The following PTDSS1 variants were observed in gnomAD, a reference collection of about 807,000 sequenced individuals.
PTDSS1 encodes the protein phosphatidylserine synthase 1.
In PTDSS1, 45 loss-of-function variants were observed where a neutral mutation model predicts 70.5. The ratio of observed to expected loss-of-function variants is 0.64; its 90% CI spans 0.50 to 0.82. The LOEUF is 0.82. PTDSS1 is among the 40% of genes least tolerant of loss of function. The pLI is 0.00. For synonymous variants in PTDSS1, 188 were observed against 203.8 expected, an observed-to-expected ratio of 0.92 and a Z score of 0.66; for missense variants, 417 against 586.1, an observed-to-expected ratio of 0.71 and a Z score of 2.98.
chr8:96,294,955 G>A (rs575434732), intron 4 of PTDSS1, 143 bp from the exon 5 acceptor site: 1 of 744,260 alleles, frequency 1.3e-6, no homozygotes, highest in East Asian at 3.1e-5. Context: ...AGGCCCTTAA[G>A]TTATTAAAAC....
At position 96,273,399 on chromosome 8, in the gene PTDSS1, T is replaced by G; in HGVS notation, c.271+9T>G. The G allele has an allele frequency of 1.9e-6, 3 of 1,584,022 alleles. No homozygotes were observed. The highest frequency in any genetic ancestry group is 2.6e-6 in the Non-Finnish European group (3 of 1,159,920). ...GTTAGCTTTCCCCAATGGTAAGTAA[T>G]GTCATGCATTACCACATTTCTCCTA... On this transcript the variant is annotated intron_variant, in intron 2 of 12. Coordinates refer to ENST00000517309, the MANE Select transcript of PTDSS1 (RefSeq NM_014754.3).
intron 10 of PTDSS1, among the ~76,000 whole-genome samples, chr8:96,325,973 A>G (rs570225416): frequency 6.6e-6 from 1 of 152,226 alleles, no homozygotes; most frequent in South Asian, 2.1e-4. Flanking sequence ...CCTCCACACA[A>G]GAAGAAACTT....
chr8:96,320,351 T>C lies in PTDSS1; in HGVS notation c.1173+6T>C. On this transcript the variant is annotated splice_donor_region_variant and intron_variant, in intron 10 of 12. Coordinates refer to ENST00000517309, the MANE Select transcript of PTDSS1 (RefSeq NM_014754.3). Reference sequence around the variant, plus strand: ...TGCTTTGGCTTCTTTGCGTGGTAAGTCACTGCATTTTACCCAAAGGCATTA... The same window carrying C: ...TGCTTTGGCTTCTTTGCGTGGTAAGCCACTGCATTTTACCCAAAGGCATTA... 1.3e-6 allele frequency: 2 copies of C among 1,590,722 alleles called. No homozygotes were observed. Among genetic ancestry groups the C allele is most frequent in the South Asian group, 2.2e-5 (2 of 90,556 alleles).
chr8:96,324,486 A>G (rs1404931784), intron 10 of PTDSS1, among the ~76,000 whole-genome samples: 1 of 152,240 alleles, frequency 6.6e-6, no homozygotes, highest in East Asian at 1.9e-4. Context: ...AAATAAGTTT[A>G]TTCTGCTCAC....
Position 96,333,406 on chromosome 8 carries a change from C to A in PTDSS1, c.1313-51C>A. The A allele has an allele frequency of 2.6e-6, 4 of 1,533,214 alleles. No individual in the cohort carries two copies. In the South Asian group the frequency reaches 4.5e-5, roughly 17 times the overall value. The allele number at this position is 1,533,214 out of a possible 1,614,324, so 95.0% of individuals were successfully genotyped here. A position where few individuals can be genotyped will look rare whatever the true frequency, so the allele number is the denominator to read the frequency against. On this transcript the variant is annotated intron_variant, in intron 12 of 12. Coordinates refer to ENST00000517309, the MANE Select transcript of PTDSS1 (RefSeq NM_014754.3). ...CTAGGGCGGTCTGGAAAGGGACAGT[C>A]ACCAATCTCCAGAGCCCAGGGTGAC... is the stretch of plus-strand genomic sequence containing the variant.
intron 2 of PTDSS1, among the ~76,000 whole-genome samples, chr8:96,283,192 A>G (rs7004617): frequency 0.089 from 13,550 of 152,232 alleles, 1,932 homozygotes; most frequent in African/African-American, 0.3. Context: ...TGTCACTGCA[A>G]AATGAGCCCT....
At chr8:96,328,295 C>G (rs1055462871) in intron 10 of PTDSS1, among the ~76,000 whole-genome samples, 1 of 152,184 alleles carries the variant, frequency 6.6e-6, no homozygotes, top group Non-Finnish European at 1.5e-5. Flanking sequence ...TTCTGTTTTG[C>G]TCTTTGTAAG....
Position 96,330,075 on chromosome 8 carries a change from T to A in PTDSS1, c.1174-138T>A. 3 of 765,278 alleles carry A rather than the reference T, an allele frequency of 3.9e-6. No individual in the cohort carries two copies. The Middle Eastern group carries it at 6.9e-4, about 176-fold the overall frequency. The allele number at this position is 765,278 out of a possible 1,614,324, so 47.4% of individuals were successfully genotyped here. A position where few individuals can be genotyped will look rare whatever the true frequency, so the allele number is the denominator to read the frequency against. On this transcript the variant is annotated intron_variant, in intron 10 of 12. Coordinates refer to ENST00000517309, the MANE Select transcript of PTDSS1 (RefSeq NM_014754.3). ...CACCCTCCCCTTGAGGTCTGATCTC[T>A]GCCACGTCCAGCCGTTTTGTAACCG...
rs1273523258 is a variant in PTDSS1, at chr8:96,335,145, G to A, written c.*1579G>A. 1 of 152,156 alleles carries A rather than the reference G, an allele frequency of 6.6e-6. No homozygotes were observed. The highest frequency in any genetic ancestry group is 1.9e-4 in the East Asian group (1 of 5,200). 9.4% of individuals were successfully genotyped at this position (152,156 alleles called of 1,614,324 possible). On this transcript the variant is annotated 3_prime_UTR_variant, in exon 13 of 13. Transcript: ENST00000517309. ...TGGCTGTGATGAGCCTCAGCTCCGA[G>A]CTCTCAAATGTCCTCCAGCCAGCAT...
intron 3 of PTDSS1, among the ~76,000 whole-genome samples, chr8:96,284,376 A>G (rs1810792038): frequency 6.6e-6 from 1 of 152,234 alleles, no homozygotes; most frequent in Non-Finnish European, 1.5e-5. Flanking sequence ...TCAACTCCAC[A>G]TGCCTCCTTA....
intron 10 of PTDSS1, among the ~76,000 whole-genome samples, chr8:96,328,839 C>A (rs559378078): frequency 6.6e-6 from 1 of 152,338 alleles, no homozygotes; most frequent in Admixed American, 6.5e-5. Context: ...AGAGGAGAAG[C>A]TGCTGCTGTT....
At chr8:96,292,244 G>A (rs1283427813) in intron 4 of PTDSS1, among the ~76,000 whole-genome samples, 16 of 145,056 alleles carry the variant, frequency 1.1e-4, no homozygotes, top group Non-Finnish European at 7.4e-5. Flanking sequence ...AGGTTGCAGT[G>A]AGCCGAGATG....
At chr8:96,296,263 C>T (rs112383916) in intron 5 of PTDSS1, among the ~76,000 whole-genome samples, 7,392 of 151,654 alleles carry the variant, frequency 0.049, 552 homozygotes, top group African/African-American at 0.16. Context: ...CTCAGCCTCC[C>T]GAGTAGCTGG....
intron 2 of PTDSS1, chr8:96,283,656 C>A (rs1253630515): frequency 1.9e-5 from 3 of 158,716 alleles, no homozygotes; most frequent in African/African-American, 7.2e-5. Context: ...CACACACGTA[C>A]ACACACGCAT....
At chr8:96,310,053 C>T (rs181166007) in intron 9 of PTDSS1, among the ~76,000 whole-genome samples, 549 of 151,956 alleles carry the variant, frequency 3.6e-3, no homozygotes, top group Non-Finnish European at 6.0e-3. Flanking sequence ...CGCTTGAACC[C>T]GGGAGGCTGA....
At position 96,333,687 on chromosome 8, in the gene PTDSS1, C is replaced by T. The variant is rs1352362122; in HGVS notation, c.*121C>T. ...GGGCAAGCAGGAAGAGGCGAGGGCACTTGGGGGTCATTATTTGAGATCGTA... is the reference window on the plus strand; with the variant it reads ...GGGCAAGCAGGAAGAGGCGAGGGCATTTGGGGGTCATTATTTGAGATCGTA... On this transcript the variant is annotated 3_prime_UTR_variant, in exon 13 of 13. Coordinates refer to ENST00000517309, the MANE Select transcript of PTDSS1 (RefSeq NM_014754.3). The T allele has an allele frequency of 1.1e-6, 1 of 898,076 alleles. No individual in the cohort carries two copies. The highest frequency in any genetic ancestry group is 1.6e-5 in the African/African-American group (1 of 60,688). The allele number at this position is 898,076 out of a possible 1,614,324, so 55.6% of individuals were successfully genotyped here.
intron 6 of PTDSS1, among the ~76,000 whole-genome samples, chr8:96,302,421 T>C (rs1811063850): frequency 6.6e-6 from 1 of 152,198 alleles, no homozygotes; most frequent in Non-Finnish European, 1.5e-5. Flanking sequence ...ACAAGCAATA[T>C]CTCATTTGAG....
intron 9 of PTDSS1, among the ~76,000 whole-genome samples, chr8:96,317,033 C>CTA (rs60006791): frequency 0.91 from 136,088 of 150,092 alleles, 61,948 homozygotes; most frequent in Non-Finnish European, 0.94. Flanking sequence ...ATATATGTGT[C>CTA]TATATATATG....
Position 96,331,100 on chromosome 8 carries a change from CTTGTT to C in PTDSS1, c.1312+6_1312+10del. On this transcript the variant is annotated splice_donor_region_variant and intron_variant, in intron 12 of 12. Transcript: ENST00000517309. ...ATCACAGGAAAGGGACAAAAGGTAT[CTTGTT>C]CTTGTTCGTTGTTTAAAATTTTACT... The C allele has an allele frequency of 1.7e-5, 10 of 604,538 alleles. No individual in the cohort carries two copies. The highest frequency in any genetic ancestry group is 2.5e-5 in the Non-Finnish European group (10 of 394,244). 37.4% of individuals were successfully genotyped at this position (604,538 alleles called of 1,614,324 possible). A position where few individuals can be genotyped will look rare whatever the true frequency, so the allele number is the denominator to read the frequency against.
Sources: gnomAD v4.1 joint callset for allele counts (sites outside exome capture counted in the v4.1 genomes callset) on GRCh38, gnomAD v4.1.1 for gene constraint, MANE v1.5 for transcripts, NCBI Gene and HGNC (gene_info 2026-07-23, HGNC 2026-07-21) for gene names.